The following XPA variants were observed in gnomAD, a reference collection of about 807,000 sequenced individuals.
XPA encodes the protein DNA repair protein complementing XP-A cells.
XPA carries 27 observed loss-of-function variants against 35.7 expected under a neutral mutation model. That is an observed-to-expected ratio of 0.76 (90% CI 0.56 to 1.04). XPA has a LOEUF of 1.04. XPA is among the 50% of genes least tolerant of loss of function. The pLI is 0.00. For synonymous variants in XPA, 133 were observed against 118.4 expected (o/e 1.12, Z -0.80); for missense variants, 354 against 342.7 (o/e 1.03, Z -0.26).
intron 2 of XPA, among the ~76,000 whole-genome samples, chr9:97,693,181 A>G (rs1466544427): frequency 1.3e-5 from 2 of 152,108 alleles, no homozygotes; most frequent in Admixed American, 6.6e-5. Flanking sequence ...ATGTGTACAT[A>G]TAAGTGATTT....
At chr9:97,696,751 A>G (rs1829054177) in intron 1 of XPA, among the ~76,000 whole-genome samples, 1 of 152,184 alleles carries the variant, frequency 6.6e-6, no homozygotes, top group African/African-American at 2.4e-5. Context: ...AGAATCAAGA[A>G]CTAGTCTAAC....
At chr9:97,688,198 G>C (rs182980484) in intron 3 of XPA, among the ~76,000 whole-genome samples, 98 of 152,258 alleles carry the variant, frequency 6.4e-4, no homozygotes, top group African/African-American at 2.3e-3. Flanking sequence ...GCAGGACCAC[G>C]TTCCTTTCTG....
In XPA at chr9:97,675,543, T is replaced by TC. The variant is rs746824252; in HGVS notation, c.717dup (p.Ile240AspfsTer6). 6 of 1,613,896 alleles carry TC rather than the reference T, an allele frequency of 3.7e-6. No homozygotes were observed. The highest frequency in any genetic ancestry group is 5.1e-6 in the Non-Finnish European group (6 of 1,179,950). ...GGTCCATACTCATGTTGATGAACAA[T>TC]CGTCTCCCTTTTCCACACGCTGCTT... On this transcript the variant is annotated frameshift_variant, in exon 6 of 6. Coordinates refer to ENST00000375128, the MANE Select transcript of XPA (RefSeq NM_000380.4). LOFTEE classifies it high-confidence loss of function.
chr9:97,671,119 C>T, downstream of XPA: 1 of 1,613,432 alleles, frequency 6.2e-7, no homozygotes, highest in Non-Finnish European at 8.5e-7. Flanking sequence ...CATGGTGACC[C>T]TGGAGAACCT....
At chr9:97,689,839 G>A (rs546448641) in intron 2 of XPA, among the ~76,000 whole-genome samples, 200 bp from the exon 3 acceptor site, 19 of 151,810 alleles carry the variant, frequency 1.3e-4, no homozygotes, top group East Asian at 1.9e-4. Context: ...AGAAAAAAAC[G>A]TAGCAATTCC....
chr9:97,668,793 T>G, the XPA span: 3 of 1,583,720 alleles, frequency 1.9e-6, no homozygotes, highest in East Asian at 2.3e-5. Context: ...GGAGGAGATT[T>G]AACACACTGG....
At chr9:97,675,674 A>G (rs897208582) in intron 5 of XPA, 87 bp from the exon 6 acceptor site, 35 of 1,481,302 alleles carry the variant, frequency 2.4e-5, no homozygotes, top group Admixed American at 3.4e-5. Context: ...TCAGCCATGT[A>G]CATGTGTGTG....
chr9:97,674,033 ATGCCC>A (rs879304871), downstream of XPA, among the ~76,000 whole-genome samples: 22,775 of 152,166 alleles, frequency 0.15, 1,840 homozygotes, highest in Non-Finnish European at 0.17. Context: ...TGAGATGATT[ATGCCC>A]TCTTTACAGA....
At chr9:97,687,326 C>A in intron 3 of XPA, 65 bp from the exon 4 acceptor site, 1 of 1,441,138 alleles carries the variant, frequency 6.9e-7, no homozygotes, top group South Asian at 1.3e-5. Flanking sequence ...TGCAAATAGC[C>A]CAGCAACTTA....
intron 5 of XPA, among the ~76,000 whole-genome samples, chr9:97,677,536 A>G (rs1052147146): frequency 6.6e-6 from 1 of 151,940 alleles, no homozygotes; most frequent in African/African-American, 2.4e-5. Context: ...AAATTAAAAA[A>G]ATTTTTTTAA....
At chr9:97,694,021 C>T (rs1828969597) in intron 1 of XPA, among the ~76,000 whole-genome samples, 1 of 152,192 alleles carries the variant, frequency 6.6e-6, no homozygotes, top group Non-Finnish European at 1.5e-5. Flanking sequence ...AAAATATCCA[C>T]AAGAATCTAC....
chr9:97,675,318 A>G lies in XPA; in HGVS notation c.*121T>C, dbSNP rs919175470. On this transcript the variant is annotated 3_prime_UTR_variant, in exon 6 of 6. Coordinates refer to ENST00000375128, the MANE Select transcript of XPA (RefSeq NM_000380.4). ...CATAATTATTACTGAAGTATTACTT[A>G]TACAAGGGTTTCATTCATCTATGAA... 8.2e-6 allele frequency: 9 copies of G among 1,097,344 alleles called. No homozygotes were observed. The Admixed American group carries it at 1.5e-4, about 19-fold the overall frequency. 68.0% of individuals were successfully genotyped at this position (1,097,344 alleles called of 1,614,324 possible).
rs2131411740 is a variant in XPA at position 97,697,271 on chromosome 9, A to G, written c.22T>C (p.Leu8=). 2 of 1,598,892 alleles carry G rather than the reference A, an allele frequency of 1.3e-6. No homozygotes were observed. Among genetic ancestry groups the G allele is most frequent in the Non-Finnish European group, 1.7e-6 (2 of 1,179,158 alleles). The change falls in exon 1 of 6, where the codon TTG becomes CTG. Residue 8 remains leucine, a synonymous_variant. Transcript: ENST00000375128. ...TGCTCTAAAGCCGCCGCCTCCGGCA[A>G]AGCCCCGTCGGCCGCCGCCATCTCT... MAAADGA[L]PEAAALEQPA...
chr9:97,697,082 C>A lies in XPA; in HGVS notation c.172+39G>T, dbSNP rs540524058. ...CGAGCCAGTCTGGGGACCGGGGAGG[C>A]GGGGAGAGGGAAGGGGAAAGCGCGG... On this transcript the variant is annotated intron_variant, in intron 1 of 5. Coordinates refer to ENST00000375128, the MANE Select transcript of XPA (RefSeq NM_000380.4). 9 of 1,507,834 alleles carry A rather than the reference C, an allele frequency of 6.0e-6. No homozygotes were observed. In the South Asian group the frequency reaches 9.0e-5, roughly 15 times the overall value. The allele number at this position is 1,507,834 out of a possible 1,614,324, so 93.4% of individuals were successfully genotyped here.
At chr9:97,660,884 G>A in the XPA span, 1 of 1,523,616 alleles carries the variant, frequency 6.6e-7, no homozygotes, top group East Asian at 2.3e-5. Context: ...TTATTTAACT[G>A]TTCATTAGAA....
At chr9:97,696,244 A>G (rs1829038175) in intron 1 of XPA, among the ~76,000 whole-genome samples, 1 of 152,242 alleles carries the variant, frequency 6.6e-6, no homozygotes, top group East Asian at 1.9e-4. Flanking sequence ...AGGGCAGTAT[A>G]GAGCTTTAGG....
the XPA span, chr9:97,658,764 C>T: frequency 1.3e-6 from 2 of 1,523,408 alleles, no homozygotes; most frequent in South Asian, 1.1e-5. Flanking sequence ...AAACTAATCC[C>T]TCTGTCTTTA....
At chr9:97,682,542 G>A (rs974613607) in intron 5 of XPA, 4 of 463,746 alleles carry the variant, frequency 8.6e-6, no homozygotes, top group African/African-American at 8.1e-5. Context: ...GTATTCATAT[G>A]CACAAAAGCA....
At chr9:97,671,220 C>G, downstream of XPA, 2 of 1,514,904 alleles carry the variant, frequency 1.3e-6, no homozygotes, top group Non-Finnish European at 1.8e-6. Context: ...TTCCTCATGT[C>G]AAGGTTTTTT....
Sources: allele counts gnomAD v4.1 joint callset (sites outside exome capture counted in the v4.1 genomes callset), GRCh38; gene constraint gnomAD v4.1.1; transcripts MANE v1.5; gene names NCBI Gene and HGNC (gene_info 2026-07-23, HGNC 2026-07-21).